The following FOXN3 variants were observed in gnomAD, a reference collection of about 807,000 sequenced individuals.
FOXN3 encodes forkhead box N3.
In FOXN3, 7 loss-of-function variants were observed where a neutral mutation model predicts 38.4. The ratio of observed to expected loss-of-function variants is 0.18; its 90% CI spans 0.10 to 0.34. FOXN3 has a LOEUF of 0.34. FOXN3 is among the 10% of genes least tolerant of loss of function. The pLI is 1.00. For synonymous variants in FOXN3, 230 were observed against 242.2 expected (o/e 0.95, Z 0.47); for missense variants, 456 against 613.4 (o/e 0.74, Z 2.71).
chr14:89,203,036 T>C lies in FOXN3; in HGVS notation c.746-22230A>G, dbSNP rs1596100246. ...CCCACCATTTCCCTTTTTTAAACTTTAAGACAGGTCCAGTGGTGCTCTAAG... is the reference window on the plus strand; with the variant it reads ...CCCACCATTTCCCTTTTTTAAACTTCAAGACAGGTCCAGTGGTGCTCTAAG... On this transcript the variant is annotated intron_variant, in intron 4 of 5. Coordinates refer to ENST00000557258, the MANE Select transcript of FOXN3 (RefSeq NM_005197.4). 2.5e-5 allele frequency among the ~76,000 whole-genome samples: 3 copies of C among 121,294 alleles called. No homozygotes were observed. The South Asian group carries it at 8.3e-4, about 34-fold the overall frequency. 79.6% of individuals were successfully genotyped at this position (121,294 alleles called of 152,430 possible). A position where few individuals can be genotyped will look rare whatever the true frequency, so the allele number is the denominator to read the frequency against.
At chr14:89,298,748 T>C (rs139856401) in intron 3 of FOXN3, among the ~76,000 whole-genome samples, 25 of 152,258 alleles carry the variant, frequency 1.6e-4, no homozygotes, top group African/African-American at 6.0e-4. Context: ...AAAATAACCA[T>C]CCTGTCCTCC....
At chr14:89,203,781 C>T (rs4904517) in intron 4 of FOXN3, among the ~76,000 whole-genome samples, 34 of 152,110 alleles carry the variant, frequency 2.2e-4, no homozygotes, top group Non-Finnish European at 4.4e-4. Flanking sequence ...CTATAATCTT[C>T]TATGGTTTTC....
chr14:89,502,648 G>A (rs1031972250), intron 1 of FOXN3, among the ~76,000 whole-genome samples: 2 of 152,176 alleles, frequency 1.3e-5, no homozygotes. Flanking sequence ...ACAACTGATG[G>A]TGACTTAGAT....
At chr14:89,315,940 A>G (rs902097518) in intron 3 of FOXN3, among the ~76,000 whole-genome samples, 1 of 152,086 alleles carries the variant, frequency 6.6e-6, no homozygotes, top group East Asian at 1.9e-4. Flanking sequence ...GCAACTCTCT[A>G]AAGAATGATG....
At chr14:89,243,181 A>G (rs974121728) in intron 4 of FOXN3, among the ~76,000 whole-genome samples, 5 of 152,174 alleles carry the variant, frequency 3.3e-5, no homozygotes, top group African/African-American at 4.8e-5. Flanking sequence ...GGAAGTAGGT[A>G]GGTATATTCA....
At chr14:89,381,021 A>G (rs528236807) in intron 2 of FOXN3, among the ~76,000 whole-genome samples, 4 of 152,072 alleles carry the variant, frequency 2.6e-5, no homozygotes, top group African/African-American at 9.6e-5. Flanking sequence ...GTGTGCCCAT[A>G]ATCCCAGCTA....
At chr14:89,178,502 C>T (rs1887584038) in intron 5 of FOXN3, among the ~76,000 whole-genome samples, 1 of 152,126 alleles carries the variant, frequency 6.6e-6, no homozygotes, top group Non-Finnish European at 1.5e-5. Flanking sequence ...TTTCTGTCTC[C>T]CTACTGAACC....
chr14:89,211,193 C>T (rs549588823), intron 4 of FOXN3, among the ~76,000 whole-genome samples: 1 of 152,326 alleles, frequency 6.6e-6, no homozygotes, highest in East Asian at 1.9e-4. Flanking sequence ...TCTGGAGGGA[C>T]CTGAGCCCAG....
At chr14:89,493,051 TA>T (rs918161091) in intron 1 of FOXN3, among the ~76,000 whole-genome samples, 1 of 152,280 alleles carries the variant, frequency 6.6e-6, no homozygotes, top group South Asian at 2.1e-4. Flanking sequence ...CCTGTGCACA[TA>T]AAAAAATAGT....
chr14:89,615,896 A>G (rs1896485145), intron 1 of FOXN3, among the ~76,000 whole-genome samples: 1 of 152,184 alleles, frequency 6.6e-6, no homozygotes, highest in Non-Finnish European at 1.5e-5. Context: ...TCCCCATGCA[A>G]TTAGTTGATG....
upstream of FOXN3, chr14:89,417,695 G>A (rs1312313018): frequency 8.8e-6 from 4 of 455,836 alleles, no homozygotes; most frequent in South Asian, 3.1e-5. Context: ...CGAGGCTTGT[G>A]GGGGTGAGAA....
chr14:89,346,527 G>A (rs1888763390), intron 3 of FOXN3, among the ~76,000 whole-genome samples: 1 of 152,118 alleles, frequency 6.6e-6, no homozygotes, highest in Non-Finnish European at 1.5e-5. Context: ...GACTAGACAG[G>A]GGTTATGAGT....
chr14:89,534,229 C>A (rs1261819376), intron 1 of FOXN3, among the ~76,000 whole-genome samples: 1 of 151,508 alleles, frequency 6.6e-6, no homozygotes, highest in African/African-American at 2.4e-5. Flanking sequence ...CCTCAGCCTC[C>A]CAAGTAACTG....
intron 2 of FOXN3, among the ~76,000 whole-genome samples, chr14:89,354,816 T>C (rs141011167): frequency 0.048 from 7,297 of 151,664 alleles, 638 homozygotes; most frequent in African/African-American, 0.17. Flanking sequence ...GATCGTGCCA[T>C]TGCACTCCAG....
intron 4 of FOXN3, among the ~76,000 whole-genome samples, chr14:89,239,610 G>GGA (rs764904886): frequency 1.3e-5 from 2 of 152,194 alleles, no homozygotes; most frequent in Non-Finnish European, 2.9e-5. Context: ...TGCATCCTTT[G>GGA]GAGCGGGTTC....
chr14:89,472,652 T>C (rs1484054991), intron 1 of FOXN3, among the ~76,000 whole-genome samples: 1 of 133,016 alleles, frequency 7.5e-6, no homozygotes, highest in Non-Finnish European at 1.5e-5. Context: ...ACCCAGGAGG[T>C]GGAGCTTGCA....
chr14:89,381,379 A>G (rs1172769127), intron 2 of FOXN3, among the ~76,000 whole-genome samples: 2 of 151,912 alleles, frequency 1.3e-5, no homozygotes, highest in Admixed American at 1.3e-4. Context: ...TTTGTTTTTA[A>G]TTTTATAACT....
In FOXN3 at chr14:89,448,165, C is replaced by T. The variant is rs147228733; in HGVS notation, c.-14-35675G>A. Among the ~76,000 whole-genome samples, 87 of 152,304 alleles carry T rather than the reference C, an allele frequency of 5.7e-4. 1 individual carries two copies. Among genetic ancestry groups the T allele is most frequent in the African/African-American group, 2.0e-3 (83 of 41,558 alleles). ...AAGATATACTGTTAGCCTCAAAACA[C>T]ACTTTTCATATTTGTTTCTTAGAAA... is the stretch of plus-strand genomic sequence containing the variant. On this transcript the variant is annotated intron_variant, in intron 1 of 6. Coordinates refer to the FOXN3 transcript ENST00000345097.
chr14:89,177,306 C>G (rs1250810086), intron 5 of FOXN3, among the ~76,000 whole-genome samples: 1 of 152,136 alleles, frequency 6.6e-6, no homozygotes, highest in African/African-American at 2.4e-5. Flanking sequence ...CCATCGTGCC[C>G]GGCCTCTTTA....
Sources: allele counts gnomAD v4.1 joint callset (sites outside exome capture counted in the v4.1 genomes callset), GRCh38; gene constraint gnomAD v4.1.1; transcripts MANE v1.5; gene names NCBI Gene and HGNC (gene_info 2026-07-23, HGNC 2026-07-21).